Variants in PIK3C2G observed in about 807,000 individuals in gnomAD.
The protein encoded by PIK3C2G is phosphatidylinositol 3-kinase C2 domain-containing subunit gamma.
A neutral mutation model predicts 181.1 loss-of-function variants in PIK3C2G; 168 were observed. That is an observed-to-expected ratio of 0.93 (90% CI 0.82 to 1.05). The LOEUF (loss-of-function observed/expected upper bound fraction) is 1.05, where lower values mean the gene tolerates loss of function less well. PIK3C2G is among the 50% of genes least tolerant of loss of function. PIK3C2G has a pLI of 0.00. For synonymous variants in PIK3C2G, 573 were observed against 592.2 expected, an observed-to-expected ratio of 0.97 and a Z score of 0.47; for missense variants, 1,869 against 1,732.8, an observed-to-expected ratio of 1.08 and a Z score of -1.40.
chr12:18,386,147 G>A (rs991418435), intron 14 of PIK3C2G, among the ~76,000 whole-genome samples: 1 of 152,104 alleles, frequency 6.6e-6, no homozygotes, highest in East Asian at 1.9e-4. Flanking sequence ...ACTGCTCTCT[G>A]ATCATCCTTT....
chr12:18,456,026 T>G (rs940625193), intron 18 of PIK3C2G, among the ~76,000 whole-genome samples: 9 of 152,132 alleles, frequency 5.9e-5, no homozygotes, highest in African/African-American at 1.9e-4. Context: ...CCAGCAATGT[T>G]TGTTAAGCAT....
At chr12:18,705,052 G>A in the PIK3C2G span, 1 of 1,315,734 alleles carries the variant, frequency 7.6e-7, no homozygotes, top group East Asian at 2.3e-5. Context: ...CTCTATACGT[G>A]ATCAAAACTA....
At chr12:18,481,609 A>T (rs1157378371) in intron 18 of PIK3C2G, among the ~76,000 whole-genome samples, 1 of 152,206 alleles carries the variant, frequency 6.6e-6, no homozygotes, top group African/African-American at 2.4e-5. Context: ...ATACTCATAT[A>T]TATGCAGTGT....
At chr12:18,568,888 TCACTTTG>T (rs1217024586) in intron 29 of PIK3C2G, among the ~76,000 whole-genome samples, 45 of 152,296 alleles carry the variant, frequency 3.0e-4, no homozygotes, top group African/African-American at 9.4e-4. Flanking sequence ...CTATTTTTTT[TCACTTTG>T]AAATTGTAAA....
At chr12:18,339,298 T>C (rs1938887508) in intron 9 of PIK3C2G, among the ~76,000 whole-genome samples, 2 of 152,182 alleles carry the variant, frequency 1.3e-5, no homozygotes, top group Non-Finnish European at 2.9e-5. Context: ...TTGTAATGTA[T>C]AAAATAGTTT....
intron 24 of PIK3C2G, among the ~76,000 whole-genome samples, chr12:18,536,452 T>C (rs2136234174): frequency 6.6e-6 from 1 of 152,202 alleles, no homozygotes; most frequent in Non-Finnish European, 1.5e-5. Flanking sequence ...AGAGATTAAG[T>C]CACCCAGAGT....
At chr12:18,494,898 A>G (rs755539811) in intron 20 of PIK3C2G, among the ~76,000 whole-genome samples, 16 of 152,066 alleles carry the variant, frequency 1.1e-4, no homozygotes, top group Non-Finnish European at 1.5e-4. Flanking sequence ...TGACCTATCA[A>G]CACAAATCTA....
intron 18 of PIK3C2G, among the ~76,000 whole-genome samples, chr12:18,449,809 T>C (rs1445998687): frequency 6.6e-6 from 1 of 152,000 alleles, no homozygotes; most frequent in Non-Finnish European, 1.5e-5. Context: ...TTCCTTTGGG[T>C]ATATACCCAC....
At chr12:18,331,527 T>C (rs905560911) in intron 8 of PIK3C2G, among the ~76,000 whole-genome samples, 4 of 152,124 alleles carry the variant, frequency 2.6e-5, no homozygotes, top group African/African-American at 9.6e-5. Flanking sequence ...TATGTCTTCT[T>C]GAAATCACTT....
chr12:18,525,728 C>T (rs962881984), intron 24 of PIK3C2G, among the ~76,000 whole-genome samples: 6 of 152,072 alleles, frequency 3.9e-5, no homozygotes, highest in Non-Finnish European at 8.8e-5. Context: ...AGCTTTTTTC[C>T]TAAGGAAACA....
chr12:18,637,816 T>G (rs1949671619), intron 31 of PIK3C2G, among the ~76,000 whole-genome samples: 1 of 152,174 alleles, frequency 6.6e-6, no homozygotes. Context: ...CCACTCTCCA[T>G]ATGCTTTTAA....
chr12:18,715,090 C>A, the PIK3C2G span, among the ~76,000 whole-genome samples: 3 of 147,416 alleles, frequency 2.0e-5, no homozygotes, highest in African/African-American at 7.5e-5. Context: ...AAGAGCATAG[C>A]TGAGAACAGA....
the PIK3C2G span, chr12:18,723,164 T>A: frequency 1.5e-6 from 1 of 671,672 alleles, no homozygotes; most frequent in Non-Finnish European, 2.5e-6. Context: ...CTATAAAATA[T>A]ATTTTCTCAA....
chr12:18,301,025 A>G (rs749983644), intron 5 of PIK3C2G, among the ~76,000 whole-genome samples: 20 of 152,078 alleles, frequency 1.3e-4, no homozygotes, highest in Non-Finnish European at 2.4e-4. Context: ...CATTTTGAAT[A>G]TATCATCTCA....
At chr12:18,273,043 TAGAG>T (rs34596920) in intron 1 of PIK3C2G, among the ~76,000 whole-genome samples, 5 of 150,262 alleles carry the variant, frequency 3.3e-5, no homozygotes, top group South Asian at 2.1e-4. Flanking sequence ...CACACAGAGA[TAGAG>T]AGAGAGAGAG....
At chr12:18,544,694 G>T (rs1944330861) in intron 25 of PIK3C2G, among the ~76,000 whole-genome samples, 1 of 151,830 alleles carries the variant, frequency 6.6e-6, no homozygotes, top group African/African-American at 2.4e-5. Context: ...TGTGAGAAGA[G>T]AATTTGCTGT....
At position 18,297,652 on chromosome 12, in the gene PIK3C2G, T is replaced by TTA. The variant is rs1949998510; in HGVS notation, c.1034+3641_1034+3642dup. On this transcript the variant is annotated intron_variant, in intron 5 of 32. Coordinates refer to ENST00000538779, the MANE Select transcript of PIK3C2G (RefSeq NM_001288772.2). The stretch of plus-strand genomic sequence containing the variant: ...TGATTCATTCTATCTAACTATATGT[T>TTA]TATATGTATTAACCCACCTCTCTTC... Among the ~76,000 whole-genome samples, 3 of 151,942 alleles carry TTA rather than the reference T, an allele frequency of 2.0e-5. No individual in the cohort carries two copies. In the South Asian group the frequency reaches 6.2e-4, roughly 31 times the overall value.
intron 8 of PIK3C2G, among the ~76,000 whole-genome samples, chr12:18,335,746 A>T (rs1332772638): frequency 6.6e-6 from 1 of 152,180 alleles, no homozygotes; most frequent in East Asian, 1.9e-4. Flanking sequence ...TCAATTTTAC[A>T]ATTGCAATCT....
Position 18,405,400 on chromosome 12 carries a change from T to TGGTGG in PIK3C2G, c.2315+5553_2315+5554insGGTGG, listed in dbSNP as rs1565685047. Among the ~76,000 whole-genome samples, 89 of 111,976 alleles carry TGGTGG rather than the reference T, an allele frequency of 7.9e-4. 1 individual carries two copies. The highest frequency in any genetic ancestry group is 1.1e-3 in the Non-Finnish European group (61 of 53,294). 73.5% of individuals were successfully genotyped at this position (111,976 alleles called of 152,430 possible). A position where few individuals can be genotyped will look rare whatever the true frequency, so the allele number is the denominator to read the frequency against. Reference sequence around the variant, plus strand: ...ACTCTGGAGAACAGCAACATTTGTGTTGTTGTTGTTGTTGTTGTTGTTGTT... The same window carrying TGGTGG: ...ACTCTGGAGAACAGCAACATTTGTGTGGTGGTGTTGTTGTTGTTGTTGTTGTTGTT... On this transcript the variant is annotated intron_variant, in intron 16 of 32. Coordinates refer to ENST00000538779, the MANE Select transcript of PIK3C2G (RefSeq NM_001288772.2).
Sources: gnomAD v4.1 joint callset for allele counts (sites outside exome capture counted in the v4.1 genomes callset) on GRCh38, gnomAD v4.1.1 for gene constraint, MANE v1.5 for transcripts, NCBI Gene and HGNC (gene_info 2026-07-23, HGNC 2026-07-21) for gene names.